The following CACNA1B variants were observed in gnomAD, a reference collection of about 807,000 sequenced individuals.
The protein encoded by CACNA1B is calcium voltage-gated channel subunit alpha1 B.
CACNA1B carries 70 observed loss-of-function variants against 247.2 expected under a neutral mutation model. That is an observed-to-expected ratio of 0.28 (90% confidence interval 0.23 to 0.35). The LOEUF (loss-of-function observed/expected upper bound fraction) is 0.35. Among genes scored for constraint, CACNA1B ranks in the 10% least tolerant of loss-of-function variants. The probability of loss-of-function intolerance (pLI) is 1.00; values close to 1 mark genes in which losing one functional copy is unlikely to be tolerated. For missense variants in CACNA1B, 2,367 were observed against 3,197.4 expected, an observed-to-expected ratio of 0.74 and a Z score of 6.26; for synonymous variants, 1,231 against 1,294.4, an observed-to-expected ratio of 0.95 and a Z score of 1.05.
chr9:137,951,482 C>A (rs1589028476), intron 6 of CACNA1B, among the ~76,000 whole-genome samples: 1 of 152,206 alleles, frequency 6.6e-6, no homozygotes, highest in Non-Finnish European at 1.5e-5. Flanking sequence ...AGAGAGGCGT[C>A]CAGGAACGGG....
chr9:138,105,685 C>A lies in CACNA1B; in HGVS notation c.5320-14C>A, dbSNP rs1220786279. Reference sequence around the variant, plus strand: ...CCAGCAGGCCTGGCCCTGACCGGCCCTGCTTGTCCCTAGCGCCTGGTTCGC... The same window carrying A: ...CCAGCAGGCCTGGCCCTGACCGGCCATGCTTGTCCCTAGCGCCTGGTTCGC... On this transcript the variant is annotated splice_polypyrimidine_tract_variant and intron_variant, in intron 38 of 46. Coordinates refer to ENST00000371372, the MANE Select transcript of CACNA1B (RefSeq NM_000718.4). 2 of 1,493,098 alleles carry A rather than the reference C, an allele frequency of 1.3e-6. No homozygotes were observed. The highest frequency in any genetic ancestry group is 4.9e-5 in the East Asian group (2 of 40,710). The allele number at this position is 1,493,098 out of a possible 1,614,324, so 92.5% of individuals were successfully genotyped here.
At chr9:138,029,301 G>A (rs757148569) in intron 20 of CACNA1B, among the ~76,000 whole-genome samples, 7 of 152,188 alleles carry the variant, frequency 4.6e-5, no homozygotes, top group Admixed American at 2.0e-4. Flanking sequence ...TGTAGTATAG[G>A]AATTATGTGG....
intron 15 of CACNA1B, among the ~76,000 whole-genome samples, chr9:137,993,885 A>C (rs529794704): frequency 2.6e-5 from 4 of 152,194 alleles, no homozygotes; most frequent in African/African-American, 9.6e-5. Flanking sequence ...CCAGGGAAGG[A>C]CATAACCAAG....
In CACNA1B at chr9:138,051,858, G is replaced by T. The variant is rs925163106; in HGVS notation, c.3711-234G>T. On this transcript the variant is annotated intron_variant, in intron 24 of 46. Transcript: ENST00000371372. This position sits in a 1 kb window ranked among gnomAD's most constrained non-coding sequence, Gnocchi z 4.3. ...TTCTTCTCCTTGTGCACCAGATGCT[G>T]CTGCCCTAGCCCCAGCTCCTGTCCT... 2.5e-4 allele frequency among the ~76,000 whole-genome samples: 38 copies of T among 152,186 alleles called. No individual in the cohort carries two copies. The highest frequency in any genetic ancestry group is 8.4e-4 in the African/African-American group (35 of 41,456).
chr9:138,122,838 A>T lies in CACNA1B; in HGVS notation c.*839A>T, dbSNP rs1335264479. 6.6e-6 allele frequency: 1 copy of T among 152,172 alleles called. No homozygotes were observed. Among genetic ancestry groups the T allele is most frequent in the Admixed American group, 6.5e-5 (1 of 15,272 alleles). 9.4% of individuals were successfully genotyped at this position (152,172 alleles called of 1,614,324 possible). A position where few individuals can be genotyped will look rare whatever the true frequency, so the allele number is the denominator to read the frequency against. Reference sequence around the variant, plus strand: ...CCAAGTGCCTGACCGCCAGGCCCTCACACCCAGGCTCCTGGGCACTGTGGT... The same window carrying T: ...CCAAGTGCCTGACCGCCAGGCCCTCTCACCCAGGCTCCTGGGCACTGTGGT... On this transcript the variant is annotated 3_prime_UTR_variant, in exon 47 of 47. Coordinates refer to ENST00000371372, the MANE Select transcript of CACNA1B (RefSeq NM_000718.4).
intron 44 of CACNA1B, among the ~76,000 whole-genome samples, chr9:138,118,970 C>T (rs1961976750): frequency 6.6e-6 from 1 of 152,112 alleles, no homozygotes; most frequent in Non-Finnish European, 1.5e-5. Flanking sequence ...TGGACGCCTT[C>T]AGCCCCTGAG....
At chr9:138,071,382 G>A (rs982503426) in intron 32 of CACNA1B, among the ~76,000 whole-genome samples, 6 of 152,240 alleles carry the variant, frequency 3.9e-5, no homozygotes, top group Admixed American at 6.5e-5. Context: ...GTCTGCCTCC[G>A]AGGGGCTGGC....
rs1419926988 is a variant in CACNA1B at position 138,046,358 on chromosome 9, C to G, written c.3414-546C>G. Among the ~76,000 whole-genome samples the G allele has an allele frequency of 2.6e-5, 4 of 152,182 alleles. No individual in the cohort carries two copies. The East Asian group carries it at 7.7e-4, about 29-fold the overall frequency. On this transcript the variant is annotated intron_variant, in intron 21 of 46. Coordinates refer to ENST00000371372, the MANE Select transcript of CACNA1B (RefSeq NM_000718.4). Reference sequence around the variant, plus strand: ...TCACGTGGAGCGTGTTCACATGCACCCTGGGAGCCTGGACAGGGCACACAC... The same window carrying G: ...TCACGTGGAGCGTGTTCACATGCACGCTGGGAGCCTGGACAGGGCACACAC...
At chr9:138,118,496 G>C (rs1174758491) in intron 43 of CACNA1B, among the ~76,000 whole-genome samples, 156 bp from the exon 44 acceptor site, 1 of 150,432 alleles carries the variant, frequency 6.6e-6, no homozygotes, top group Admixed American at 6.6e-5. Flanking sequence ...GGGTGTGTGA[G>C]ACTGGGGTGG....
In CACNA1B at chr9:138,120,219, C is replaced by T. The variant is rs1962034117; in HGVS notation, c.6085C>T (p.Pro2029Ser). 1 of 1,608,538 alleles carries T rather than the reference C, an allele frequency of 6.2e-7. No individual in the cohort carries two copies. ...CTCCATCTCCACGCTGGCCCAGCGG[C>T]CCCGTGGGACTCATCTTTGCAGCAC... The part of the protein sequence containing the change: ...KRSISTLAQR[P>S]RGTHLCSTTP... The change falls in exon 45 of 47, where the codon CCC becomes TCC. Residue 2029 changes from proline to serine, a missense_variant. Pro to Ser is a moderately conservative substitution (Grantham distance 74). Transcript: ENST00000371372.
chr9:138,105,600 G>T, intron 38 of CACNA1B, 99 bp from the exon 39 acceptor site: 1 of 696,254 alleles, frequency 1.4e-6, no homozygotes, highest in Middle Eastern at 2.4e-4. Context: ...CCACCACTGG[G>T]ATGCCCAGCC....
Position 137,973,835 on chromosome 9 carries a change from T to C in CACNA1B, c.1544-2072T>C, listed in dbSNP as rs1958185470. Among the ~76,000 whole-genome samples the C allele has an allele frequency of 6.6e-6, 1 of 152,130 alleles. No individual in the cohort carries two copies. Among genetic ancestry groups the C allele is most frequent in the African/African-American group, 2.4e-5 (1 of 41,432 alleles). ...AGGGAGAGTGAGAGGGCAGACAGGA[T>C]GTTGGAGGATTTCAGATCTCTTTCT... is the stretch of plus-strand genomic sequence containing the variant. On this transcript the variant is annotated intron_variant, in intron 11 of 46. Coordinates refer to ENST00000371372, the MANE Select transcript of CACNA1B (RefSeq NM_000718.4). This position sits in a 1 kb window ranked among gnomAD's most constrained non-coding sequence, Gnocchi z 4.1.
At chr9:138,065,289 C>T (rs1250548975) in intron 31 of CACNA1B, among the ~76,000 whole-genome samples, 1 of 152,116 alleles carries the variant, frequency 6.6e-6, no homozygotes, top group African/African-American at 2.4e-5. Context: ...TTTTCTCACT[C>T]AGCAGGACCA....
At position 137,957,045 on chromosome 9, in the gene CACNA1B, G is replaced by A. The variant is rs564479010; in HGVS notation, c.1243+218G>A. ...TTAAACCGAGCTGTGTCTATCCCCA[G>A]GGCTTGGGGTGCTGCTGCTCCCAGA... On this transcript the variant is annotated intron_variant, in intron 9 of 46. Transcript: ENST00000371372. The surrounding 1 kb of genome is among the most constrained non-coding windows in gnomAD (Gnocchi z 4.7). Among the ~76,000 whole-genome samples, 26 of 152,360 alleles carry A rather than the reference G, an allele frequency of 1.7e-4. No individual in the cohort carries two copies. The highest frequency in any genetic ancestry group is 1.0e-3 in the South Asian group (5 of 4,834).
intron 26 of CACNA1B, among the ~76,000 whole-genome samples, chr9:138,056,578 G>C (rs1182425671): frequency 6.6e-6 from 1 of 152,180 alleles, no homozygotes. Flanking sequence ...CTTCTCATGG[G>C]TGTGTACCTA....
At chr9:138,062,036 A>C (rs972067834) in intron 31 of CACNA1B, among the ~76,000 whole-genome samples, 1 of 152,170 alleles carries the variant, frequency 6.6e-6, no homozygotes, top group African/African-American at 2.4e-5. Context: ...CTTGGTTTTT[A>C]GTGCCCCATG....
intron 20 of CACNA1B, among the ~76,000 whole-genome samples, chr9:138,041,685 T>C (rs1279473880): frequency 6.6e-6 from 1 of 152,206 alleles, no homozygotes; most frequent in Non-Finnish European, 1.5e-5. Context: ...CTTTGTCCTG[T>C]TTATTTCGAG....
chr9:137,958,621 C>A (rs899543889), intron 10 of CACNA1B, among the ~76,000 whole-genome samples: 1 of 152,118 alleles, frequency 6.6e-6, no homozygotes, highest in African/African-American at 2.4e-5. Flanking sequence ...AAAAATACTG[C>A]CCCCAAGTCT....
At chr9:138,116,271 C>T (rs996391204) in intron 42 of CACNA1B, among the ~76,000 whole-genome samples, 5 of 152,236 alleles carry the variant, frequency 3.3e-5, no homozygotes. Flanking sequence ...ATTTCTGAAG[C>T]TGTTATATTT....
Sources: gnomAD v4.1 joint callset for allele counts (sites outside exome capture counted in the v4.1 genomes callset) on GRCh38, gnomAD v4.1.1 for gene constraint, Gnocchi (gnomAD v3.1) non-coding constraint, MANE v1.5 for transcripts, NCBI Gene and HGNC (gene_info 2026-07-23, HGNC 2026-07-21) for gene names.